The following SNX13 variants were observed in gnomAD, a reference collection of about 807,000 sequenced individuals.
SNX13 encodes sorting nexin-13.
Under a neutral mutation model 133.6 loss-of-function variants are expected in SNX13, and 45 were observed. The observed-to-expected ratio is 0.34, with a 90% CI of 0.27 to 0.43. The LOEUF is 0.43. Ranked by LOEUF, SNX13 falls within the 20% of genes least tolerant of loss-of-function variation. The probability of loss-of-function intolerance (pLI) is 1.00; values close to 1 mark genes in which losing one functional copy is unlikely to be tolerated. For synonymous variants in SNX13, 414 were observed against 373.9 expected (o/e 1.11, Z -1.24); for missense variants, 1,032 against 1,145.1 (o/e 0.90, Z 1.43).
intron 9 of SNX13, among the ~76,000 whole-genome samples, chr7:17,862,558 T>C (rs1364553023): frequency 1.3e-5 from 2 of 152,194 alleles, no homozygotes; most frequent in Non-Finnish European, 2.9e-5. Flanking sequence ...ATCTAACATA[T>C]ATGCTAATTT....
chr7:17,853,709 T>C (rs1226271538), intron 9 of SNX13, among the ~76,000 whole-genome samples: 1 of 152,158 alleles, frequency 6.6e-6, no homozygotes, highest in Admixed American at 6.5e-5. Context: ...TTTGGGAGGC[T>C]GAGGCGGGTG....
intron 12 of SNX13, among the ~76,000 whole-genome samples, chr7:17,844,961 ACTTTT>A (rs988855272): frequency 2.6e-5 from 4 of 152,096 alleles, no homozygotes; most frequent in Non-Finnish European, 5.9e-5. Context: ...AAGACAAAAT[ACTTTT>A]CTTTAAGATC....
chr7:17,802,935 TACCC>T (rs1784794947), intron 21 of SNX13, among the ~76,000 whole-genome samples: 1 of 152,106 alleles, frequency 6.6e-6, no homozygotes, highest in Admixed American at 6.6e-5. Context: ...CAGAGGTCTA[TACCC>T]AGTAACGTAT....
chr7:17,861,342 T>TCTCTCA (rs1385021153), intron 9 of SNX13, among the ~76,000 whole-genome samples: 1 of 143,120 alleles, frequency 7.0e-6, no homozygotes, highest in East Asian at 2.1e-4. Context: ...TACAGTTATC[T>TCTCTCA]CACACACACA....
chr7:17,867,440 C>A (rs1482103513), intron 9 of SNX13, among the ~76,000 whole-genome samples: 1 of 151,958 alleles, frequency 6.6e-6, no homozygotes, highest in Non-Finnish European at 1.5e-5. Flanking sequence ...AACCATGTCT[C>A]TACCAAAAGT....
chr7:17,850,037 C>T (rs1791025280), intron 11 of SNX13, among the ~76,000 whole-genome samples: 1 of 151,886 alleles, frequency 6.6e-6, no homozygotes, highest in Admixed American at 6.6e-5. Flanking sequence ...TAAAAAGTAC[C>T]CAACTCACAA....
chr7:17,927,241 A>G (rs1800862427), intron 1 of SNX13, among the ~76,000 whole-genome samples: 1 of 150,088 alleles, frequency 6.7e-6, no homozygotes, highest in Non-Finnish European at 1.5e-5. Context: ...GTATATATAT[A>G]TATGTATATA....
At chr7:17,851,798 T>TA (rs1254328246) in intron 9 of SNX13, among the ~76,000 whole-genome samples, 2 of 152,042 alleles carry the variant, frequency 1.3e-5, no homozygotes, top group Non-Finnish European at 2.9e-5. Context: ...CCATTAAATA[T>TA]AAAAATGGCC....
chr7:17,846,871 G>A (rs1008797428), intron 11 of SNX13, among the ~76,000 whole-genome samples: 85 of 152,110 alleles, frequency 5.6e-4, no homozygotes, highest in Admixed American at 5.2e-3. Context: ...AGGAAAATTC[G>A]CTGAGGATAA....
rs1783489313 is a variant in SNX13 at position 17,791,041 on chromosome 7, A to T, written c.*3004T>A. Reference sequence around the variant, plus strand: ...CTCCTAAAAGCAAAATTTACTACTAATAAAAGAATTTTCCAAGGAGTGACA... The same window carrying T: ...CTCCTAAAAGCAAAATTTACTACTATTAAAAGAATTTTCCAAGGAGTGACA... On this transcript the variant is annotated 3_prime_UTR_variant, in exon 26 of 26. Transcript: ENST00000428135. 2.0e-5 allele frequency: 3 copies of T among 152,040 alleles called. No individual in the cohort carries two copies. In the South Asian group the frequency reaches 6.2e-4, roughly 31 times the overall value. The allele number at this position is 152,040 out of a possible 1,614,324, so 9.4% of individuals were successfully genotyped here. A position where few individuals can be genotyped will look rare whatever the true frequency, so the allele number is the denominator to read the frequency against.
chr7:17,883,873 T>C (rs1795662505), intron 5 of SNX13, among the ~76,000 whole-genome samples: 1 of 152,206 alleles, frequency 6.6e-6, no homozygotes, highest in South Asian at 2.1e-4. Flanking sequence ...TCCAGCTTCA[T>C]CCATGTCCCT....
chr7:17,802,295 T>C (rs1274141398), intron 21 of SNX13, among the ~76,000 whole-genome samples: 1 of 152,094 alleles, frequency 6.6e-6, no homozygotes, highest in African/African-American at 2.4e-5. Flanking sequence ...TGTTGTTAAG[T>C]GATGCACATC....
At chr7:17,879,798 T>C (rs894475717) in intron 5 of SNX13, 14 of 152,198 alleles carry the variant, frequency 9.2e-5, no homozygotes, top group African/African-American at 3.1e-4. Flanking sequence ...AACAAAAGAC[T>C]CCCCCAAATG....
chr7:17,922,141 A>G (rs1383192568), intron 1 of SNX13, among the ~76,000 whole-genome samples: 2 of 152,194 alleles, frequency 1.3e-5, no homozygotes, highest in African/African-American at 4.8e-5. Flanking sequence ...CTGCCTGCCT[A>G]CTAATGGAGT....
chr7:17,875,795 T>TA lies in SNX13; in HGVS notation c.441-6dup, dbSNP rs754256765. ...TGCCAGTCTATTTCTTTTGACCTTA[T>TA]AAAAAACACATTACATAAAAGGATT... On this transcript the variant is annotated splice_region_variant and splice_polypyrimidine_tract_variant and intron_variant, in intron 5 of 25. Transcript: ENST00000428135. 2.0e-5 allele frequency: 32 copies of TA among 1,578,552 alleles called. 1 individual carries two copies. The South Asian group carries it at 3.0e-4, about 15-fold the overall frequency.
Position 17,796,700 on chromosome 7 carries a change from C to CTG in SNX13, c.2626+125_2626+126dup, listed in dbSNP as rs1271728152. ...ATATGAGAAATGCCTAGTACAGTGCCTGATATGTATTAAGCCATCAAAAGG... is the reference window on the plus strand; with the variant it reads ...ATATGAGAAATGCCTAGTACAGTGCCTGTGATATGTATTAAGCCATCAAAAGG... On this transcript the variant is annotated intron_variant, in intron 25 of 25. Transcript: ENST00000428135. The CTG allele has an allele frequency of 1.6e-5, 11 of 679,828 alleles. No individual in the cohort carries two copies. The African/African-American group carries it at 1.8e-4, about 11-fold the overall frequency. 42.1% of individuals were successfully genotyped at this position (679,828 alleles called of 1,614,324 possible).
intron 1 of SNX13, among the ~76,000 whole-genome samples, chr7:17,908,220 C>A (rs745767191): frequency 9.9e-5 from 15 of 152,272 alleles, no homozygotes; most frequent in Non-Finnish European, 1.8e-4. Flanking sequence ...CCTGCCTGAC[C>A]ATTTTATATC....
chr7:17,911,559 A>C (rs1798980352), intron 1 of SNX13, among the ~76,000 whole-genome samples: 1 of 151,648 alleles, frequency 6.6e-6, no homozygotes, highest in Non-Finnish European at 1.5e-5. Context: ...GAACTGCTTG[A>C]ACCAGGAAGC....
chr7:17,913,842 A>G (rs900876619), intron 1 of SNX13, among the ~76,000 whole-genome samples: 16 of 151,582 alleles, frequency 1.1e-4, no homozygotes, highest in African/African-American at 3.9e-4. Context: ...GACAATACAA[A>G]AGCCAGTGTT....
Sources: allele counts gnomAD v4.1 joint callset (sites outside exome capture counted in the v4.1 genomes callset), GRCh38; gene constraint gnomAD v4.1.1; transcripts MANE v1.5; gene names NCBI Gene and HGNC (gene_info 2026-07-23, HGNC 2026-07-21).